The following LMNA variants were observed in gnomAD, a reference collection of about 807,000 sequenced individuals.
LMNA encodes lamin.
In LMNA, 20 loss-of-function variants were observed where a neutral mutation model predicts 70.4. The ratio of observed to expected loss-of-function variants is 0.28; its 90% CI spans 0.20 to 0.41. The LOEUF (loss-of-function observed/expected upper bound fraction) is 0.41, where lower values mean the gene tolerates loss of function less well. LMNA is among the 10% of genes least tolerant of loss of function. LMNA has a pLI of 1.00. For synonymous variants in LMNA, 339 were observed against 372.8 expected (o/e 0.91, Z 1.04); for missense variants, 652 against 917.2 (o/e 0.71, Z 3.73).
At chr1:156,121,607 C>T (rs998549231) in intron 1 of LMNA, among the ~76,000 whole-genome samples, 8 of 152,020 alleles carry the variant, frequency 5.3e-5, no homozygotes, top group Non-Finnish European at 8.8e-5. Flanking sequence ...AAGCCCAGGA[C>T]AGCTGGATGG....
rs554987082 is a variant in LMNA, at chr1:156,103,407, G to A, written c.-206-11306G>A. 6.9e-4 allele frequency among the ~76,000 whole-genome samples: 105 copies of A among 152,230 alleles called. No homozygotes were observed. The highest frequency in any genetic ancestry group is 2.5e-3 in the African/African-American group (102 of 41,516). ...TGCCCCTCTTGTGTGCTGGGCCCTC[G>A]CACTTCCTCTGTCTGGGACTCCTCT... On this transcript the variant is annotated intron_variant, in intron 3 of 12. Coordinates refer to the LMNA transcript ENST00000368301. The surrounding 1 kb of genome is among the most constrained non-coding windows in gnomAD (Gnocchi z 4.7).
intron 3 of LMNA, among the ~76,000 whole-genome samples, chr1:156,099,867 CAAAAAA>C (rs57524097): frequency 3.0e-5 from 3 of 100,262 alleles, no homozygotes; most frequent in Admixed American, 1.1e-4. Context: ...GCCTGGGTGA[CAAAAAA>C]AAAAAAAAAA....
rs1416797540 is a variant in LMNA, at chr1:156,137,870, GCTGGC to G, written c.1698+135_1698+139del. The G allele has an allele frequency of 6.6e-7, 1 of 1,520,760 alleles. No homozygotes were observed. 94.2% of individuals were successfully genotyped at this position (1,520,760 alleles called of 1,614,324 possible). On this transcript the variant is annotated intron_variant, in intron 10 of 11. Coordinates refer to ENST00000368300, the MANE Select transcript of LMNA (RefSeq NM_170707.4). This position sits in a 1 kb window ranked among gnomAD's most constrained non-coding sequence, Gnocchi z 4.6. Reference sequence around the variant, plus strand: ...TAAAGAATGTTTTGGAACTTTACTCGCTGGCCTGGCCTTTCTTCTCTCTCCTCCCT... The same window carrying G: ...TAAAGAATGTTTTGGAACTTTACTCGCTGGCCTTTCTTCTCTCTCCTCCCT...
chr1:156,105,996 G>A (rs1443052029), intron 3 of LMNA, among the ~76,000 whole-genome samples: 1 of 152,110 alleles, frequency 6.6e-6, no homozygotes. Context: ...ATAGCGGGGC[G>A]TGGTGGCTGG....
At chr1:156,125,784 T>A (rs934001453) in intron 1 of LMNA, among the ~76,000 whole-genome samples, 1 of 151,056 alleles carries the variant, frequency 6.6e-6, no homozygotes, top group African/African-American at 2.4e-5. Flanking sequence ...AGGTCAGGAG[T>A]CCGAGACCAG....
At chr1:156,108,016 C>G (rs1649414161) in intron 3 of LMNA, among the ~76,000 whole-genome samples, 1 of 152,120 alleles carries the variant, frequency 6.6e-6, no homozygotes, top group Non-Finnish European at 1.5e-5. Context: ...ATCCACCCAC[C>G]TCAGCCTCCC....
In LMNA at chr1:156,139,965, C is replaced by A; in HGVS notation, c.*859C>A. On this transcript the variant is annotated 3_prime_UTR_variant, in exon 12 of 12. Transcript: ENST00000368300. ...TGGCACCCACCGTGGAGGAGGAAGG[C>A]AAGAGGGGGTGGAGGGGTGTGGCAG... The A allele has an allele frequency of 2.3e-6, 2 of 859,728 alleles. No individual in the cohort carries two copies. Among genetic ancestry groups the A allele is most frequent in the Non-Finnish European group, 3.4e-6 (2 of 589,264 alleles). The allele number at this position is 859,728 out of a possible 1,614,324, so 53.3% of individuals were successfully genotyped here.
chr1:156,135,016 G>T lies in LMNA; in HGVS notation c.810+41G>T. On this transcript the variant is annotated intron_variant, in intron 4 of 11. Coordinates refer to ENST00000368300, the MANE Select transcript of LMNA (RefSeq NM_170707.4). This position sits in a 1 kb window ranked among gnomAD's most constrained non-coding sequence, Gnocchi z 4.8. ...TGGTTCCCTCACTGCCTCTGCCCTT[G>T]GCAGCCCTACCCTTACCCACGCTGG... 1 of 1,613,632 alleles carries T rather than the reference G, an allele frequency of 6.2e-7. No homozygotes were observed. Among genetic ancestry groups the T allele is most frequent in the South Asian group, 1.1e-5 (1 of 90,996 alleles).
At chr1:156,124,231 G>C (rs1352335564) in intron 1 of LMNA, among the ~76,000 whole-genome samples, 1 of 152,084 alleles carries the variant, frequency 6.6e-6, no homozygotes, top group Non-Finnish European at 1.5e-5. Context: ...TTGGGGTTTG[G>C]GGAAGGCTCA....
chr1:156,110,935 C>T (rs569162925), upstream of LMNA, among the ~76,000 whole-genome samples: 8 of 150,724 alleles, frequency 5.3e-5, no homozygotes, highest in African/African-American at 1.9e-4. Context: ...GAGATTGTGC[C>T]ACTGCACTCC....
rs905217817 is a variant in LMNA, at chr1:156,134,703, G to T, written c.640-102G>T. ...CCAGGTTAAAGTGGGGCTGGTAGTG[G>T]CTCATGGAGTAGGGCTGGGCAGGGA... On this transcript the variant is annotated intron_variant, in intron 3 of 11. Coordinates refer to ENST00000368300, the MANE Select transcript of LMNA (RefSeq NM_170707.4). The surrounding 1 kb of genome is among the most constrained non-coding windows in gnomAD (Gnocchi z 5.3). The T allele has an allele frequency of 3.9e-5, 61 of 1,563,602 alleles. No homozygotes were observed. Among genetic ancestry groups the T allele is most frequent in the Non-Finnish European group, 5.2e-5 (59 of 1,136,688 alleles).
chr1:156,120,418 C>G (rs1650105552), intron 1 of LMNA, among the ~76,000 whole-genome samples: 1 of 152,188 alleles, frequency 6.6e-6, no homozygotes, highest in Non-Finnish European at 1.5e-5. Flanking sequence ...AAACTCTGCT[C>G]TGGGGCCAGT....
At chr1:156,112,523 G>A (rs1649578298), upstream of LMNA, among the ~76,000 whole-genome samples, 1 of 152,196 alleles carries the variant, frequency 6.6e-6, no homozygotes, top group African/African-American at 2.4e-5. Flanking sequence ...AGTGGGAACA[G>A]CATGAACCCT....
chr1:156,137,793 C>T lies in LMNA; in HGVS notation c.1698+50C>T, dbSNP rs751783165. ...CGAGCCTGCACTGGGGCCACCCAGC[C>T]AGGCCTGGGGGCAGCCTCTCCCCAG... is the stretch of plus-strand genomic sequence containing the variant. On this transcript the variant is annotated intron_variant, in intron 10 of 11. Transcript: ENST00000368300. This position sits in a 1 kb window ranked among gnomAD's most constrained non-coding sequence, Gnocchi z 4.6. 6.4e-5 allele frequency: 99 copies of T among 1,547,906 alleles called. No individual in the cohort carries two copies. Among genetic ancestry groups the T allele is most frequent in the Non-Finnish European group, 8.1e-5 (93 of 1,146,918 alleles).
At chr1:156,131,377 C>T (rs1651049222) in intron 2 of LMNA, among the ~76,000 whole-genome samples, 1 of 151,928 alleles carries the variant, frequency 6.6e-6, no homozygotes, top group African/African-American at 2.4e-5. Context: ...TGCTTGAGTC[C>T]AGGAGTTTGA....
intron 1 of LMNA, among the ~76,000 whole-genome samples, chr1:156,119,709 G>A (rs1010827991): frequency 6.6e-6 from 1 of 152,288 alleles, no homozygotes; most frequent in South Asian, 2.1e-4. Flanking sequence ...AAGGCAGCTG[G>A]GTGGATGACT....
rs1558115573 is a variant in LMNA, at chr1:156,114,801, A to G, written c.-118A>G. ...CCAGATCCCCACGCCTGCCAGGAGCAAGCCGAGAGCCAGCCGGCCGGCGCA... is the reference window on the plus strand; with the variant it reads ...CCAGATCCCCACGCCTGCCAGGAGCGAGCCGAGAGCCAGCCGGCCGGCGCA... On this transcript the variant is annotated 5_prime_UTR_variant, in exon 1 of 12. Transcript: ENST00000368300. 1 of 710,034 alleles carries G rather than the reference A, an allele frequency of 1.4e-6. No homozygotes were observed. The highest frequency in any genetic ancestry group is 2.2e-6 in the Non-Finnish European group (1 of 445,568). The allele number at this position is 710,034 out of a possible 1,614,324, so 44.0% of individuals were successfully genotyped here.
chr1:156,119,741 C>T (rs1256587675), intron 1 of LMNA, among the ~76,000 whole-genome samples: 1 of 151,908 alleles, frequency 6.6e-6, no homozygotes, highest in Non-Finnish European at 1.5e-5. Flanking sequence ...CCCCTCCCTC[C>T]CACCCTGGTG....
intron 1 of LMNA, among the ~76,000 whole-genome samples, chr1:156,117,415 A>G (rs675661): frequency 0.074 from 11,229 of 150,816 alleles, 581 homozygotes; most frequent in Middle Eastern, 0.15. Flanking sequence ...TTATATTTTT[A>G]GTAGAGACGG....
Sources: gnomAD v4.1 joint callset for allele counts (sites outside exome capture counted in the v4.1 genomes callset) on GRCh38, gnomAD v4.1.1 for gene constraint, Gnocchi (gnomAD v3.1) non-coding constraint, MANE v1.5 for transcripts, NCBI Gene and HGNC (gene_info 2026-07-23, HGNC 2026-07-21) for gene names.